Variants in NAALADL2 observed in about 807,000 individuals in gnomAD.
The protein encoded by NAALADL2 is N-acetylated alpha-linked acidic dipeptidase like 2, also known as inactive N-acetylated-alpha-linked acidic dipeptidase-like protein 2.
In NAALADL2, 76 loss-of-function variants were observed where a neutral mutation model predicts 87.2. The observed-to-expected ratio is 0.87, with a 90% CI of 0.72 to 1.05. The LOEUF (loss-of-function observed/expected upper bound fraction) is 1.05, where lower values mean the gene tolerates loss of function less well. Ranked by LOEUF, NAALADL2 falls within the 50% of genes least tolerant of loss-of-function variation. The pLI is 0.00. For synonymous variants in NAALADL2, 354 were observed against 331.0 expected, an observed-to-expected ratio of 1.07 and a Z score of -0.75; for missense variants, 1,089 against 945.8, an observed-to-expected ratio of 1.15 and a Z score of -1.99.
intron 1 of NAALADL2, among the ~76,000 whole-genome samples, chr3:174,479,885 G>A (rs1717450275): frequency 6.6e-6 from 1 of 152,014 alleles, no homozygotes; most frequent in Non-Finnish European, 1.5e-5. Flanking sequence ...CTTGAGAATG[G>A]TTTATCTTGG....
At chr3:174,925,897 T>A (rs746272918) in intron 1 of NAALADL2, among the ~76,000 whole-genome samples, 5 of 152,034 alleles carry the variant, frequency 3.3e-5, no homozygotes, top group Non-Finnish European at 7.4e-5. Flanking sequence ...CTTCAGATGA[T>A]CAAACTACTC....
At chr3:174,894,866 A>C (rs2109817607) in intron 1 of NAALADL2, among the ~76,000 whole-genome samples, 1 of 152,190 alleles carries the variant, frequency 6.6e-6, no homozygotes, top group South Asian at 2.1e-4. Context: ...TGAAACTAGA[A>C]ATAACAAGAG....
intron 1 of NAALADL2, among the ~76,000 whole-genome samples, chr3:174,989,260 C>A (rs9862420): frequency 0.083 from 12,587 of 152,148 alleles, 602 homozygotes; most frequent in African/African-American, 0.14. Flanking sequence ...CACAAACATC[C>A]AAACAATAGC....
chr3:175,548,311 A>C (rs2149484913), intron 9 of NAALADL2, among the ~76,000 whole-genome samples: 1 of 152,284 alleles, frequency 6.6e-6, no homozygotes, highest in Non-Finnish European at 1.5e-5. Flanking sequence ...CAGAAAACTA[A>C]ATACCACATG....
At chr3:175,235,491 G>A (rs1745676972) in intron 3 of NAALADL2, 2 of 152,136 alleles carry the variant, frequency 1.3e-5, no homozygotes, top group African/African-American at 4.8e-5. Context: ...CTTTCTGGCA[G>A]GTAATAATGG....
At chr3:175,748,205 C>T (rs896675210) in intron 12 of NAALADL2, among the ~76,000 whole-genome samples, 4 of 152,122 alleles carry the variant, frequency 2.6e-5, no homozygotes, top group Admixed American at 2.6e-4. Context: ...CGCAATCGCT[C>T]TCACATTTTT....
At chr3:175,704,020 T>C (rs1739335823) in intron 11 of NAALADL2, among the ~76,000 whole-genome samples, 2 of 152,258 alleles carry the variant, frequency 1.3e-5, no homozygotes, top group Non-Finnish European at 2.9e-5. Context: ...TGGGTATGGA[T>C]TCTTGGCTTA....
intron 2 of NAALADL2, among the ~76,000 whole-genome samples, chr3:175,214,635 A>G (rs1008420902): frequency 1.3e-5 from 2 of 152,182 alleles, no homozygotes; most frequent in Non-Finnish European, 2.9e-5. Context: ...TCTTCTACAG[A>G]CAAGAAACAT....
intron 2 of NAALADL2, among the ~76,000 whole-genome samples, chr3:174,598,310 A>T (rs1034261990): frequency 2.0e-5 from 3 of 152,158 alleles, no homozygotes; most frequent in African/African-American, 7.2e-5. Context: ...ACTAGAATTA[A>T]GTGTATTTGT....
chr3:174,531,818 A>G (rs752218343), intron 1 of NAALADL2, among the ~76,000 whole-genome samples: 191 of 152,306 alleles, frequency 1.3e-3, no homozygotes, highest in Non-Finnish European at 7.8e-4. Flanking sequence ...TTGTAATGCA[A>G]CATTCCTTAA....
At chr3:174,519,132 TA>T (rs1720107908) in intron 1 of NAALADL2, among the ~76,000 whole-genome samples, 1 of 152,168 alleles carries the variant, frequency 6.6e-6, no homozygotes, top group Non-Finnish European at 1.5e-5. Flanking sequence ...GAAGCAATAA[TA>T]ATGGTTCAAA....
At chr3:175,802,731 A>G (rs1470054911) in intron 13 of NAALADL2, among the ~76,000 whole-genome samples, 1 of 147,714 alleles carries the variant, frequency 6.8e-6, no homozygotes, top group Non-Finnish European at 1.5e-5. Flanking sequence ...TTTTTCTATC[A>G]AAACTGCTTT....
intron 3 of NAALADL2, among the ~76,000 whole-genome samples, chr3:174,761,932 A>G (rs1713029321): frequency 1.3e-5 from 2 of 152,058 alleles, no homozygotes; most frequent in Admixed American, 6.5e-5. Flanking sequence ...CTTTTGCACC[A>G]ACCTAATGTT....
At chr3:175,616,393 C>T (rs1582639406) in intron 10 of NAALADL2, among the ~76,000 whole-genome samples, 1 of 151,700 alleles carries the variant, frequency 6.6e-6, no homozygotes, top group Non-Finnish European at 1.5e-5. Context: ...AAAAAATCTA[C>T]ATATATTTAC....
chr3:174,800,326 C>T (rs1337028963), intron 3 of NAALADL2, among the ~76,000 whole-genome samples: 5 of 152,048 alleles, frequency 3.3e-5, no homozygotes, highest in Admixed American at 2.0e-4. Flanking sequence ...GGACTTGGTA[C>T]CCGGCCAGCC....
At chr3:175,308,110 C>T (rs1757932685) in intron 4 of NAALADL2, among the ~76,000 whole-genome samples, 1 of 152,120 alleles carries the variant, frequency 6.6e-6, no homozygotes, top group Non-Finnish European at 1.5e-5. Flanking sequence ...GTGGGATAGA[C>T]ATTTTTACAG....
intron 3 of NAALADL2, among the ~76,000 whole-genome samples, chr3:174,747,557 G>T (rs1734377452): frequency 6.8e-6 from 1 of 147,198 alleles, no homozygotes; most frequent in African/African-American, 2.5e-5. Context: ...AGGAGGTGGA[G>T]GTTGCAATGA....
intron 1 of NAALADL2, among the ~76,000 whole-genome samples, chr3:174,959,594 T>C (rs902208216): frequency 1.8e-4 from 27 of 152,004 alleles, no homozygotes; most frequent in African/African-American, 6.5e-4. Context: ...AATGATGATC[T>C]GGGAAAAGCA....
intron 10 of NAALADL2, among the ~76,000 whole-genome samples, chr3:175,585,557 T>G (rs1454418138): frequency 6.6e-6 from 1 of 152,208 alleles, no homozygotes; most frequent in Non-Finnish European, 1.5e-5. Flanking sequence ...GAACTAATGT[T>G]AATGTTTCCT....
Sources: gnomAD v4.1 joint callset for allele counts (sites outside exome capture counted in the v4.1 genomes callset) on GRCh38, gnomAD v4.1.1 for gene constraint, MANE v1.5 for transcripts, NCBI Gene and HGNC (gene_info 2026-07-23, HGNC 2026-07-21) for gene names.